The following DGAT2L6 variants were observed in gnomAD, a reference collection of about 807,000 sequenced individuals.
The protein encoded by DGAT2L6 is diacylglycerol O-acyltransferase 2 like 6.
A neutral mutation model predicts 25.5 loss-of-function variants in DGAT2L6; 22 were observed. That is an observed-to-expected ratio of 0.86 (90% CI 0.62 to 1.23). The LOEUF (loss-of-function observed/expected upper bound fraction) is 1.23, where lower values mean the gene tolerates loss of function less well. Among genes scored for constraint, DGAT2L6 ranks in the 50% most tolerant of loss-of-function variants. The pLI, the probability that DGAT2L6 is intolerant of heterozygous loss-of-function variation, is 0.00. For synonymous variants in DGAT2L6, 100 were observed against 94.7 expected, an observed-to-expected ratio of 1.06 and a Z score of -0.32; for missense variants, 287 against 253.2, an observed-to-expected ratio of 1.13 and a Z score of -0.91.
chrX:70,193,927 G>T lies in DGAT2L6; in HGVS notation c.86-5344G>T, dbSNP rs755483723. ...ATTACACAAGAAAAAGAAATAAAAG[G>T]CATCTAAATTGGAAAGAAAAAAGTT... On this transcript the variant is annotated intron_variant, in intron 1 of 6. Coordinates refer to ENST00000333026, the MANE Select transcript of DGAT2L6 (RefSeq NM_198512.3). 2.7e-5 allele frequency among the ~76,000 whole-genome samples: 3 copies of T among 111,758 alleles called. No individual in the cohort carries two copies. The South Asian group carries it at 1.1e-3, about 42-fold the overall frequency.
chrX:70,185,430 T>C (rs1250398966), intron 1 of DGAT2L6, among the ~76,000 whole-genome samples: 1 of 112,370 alleles, frequency 8.9e-6, no homozygotes, highest in African/African-American at 3.2e-5. Flanking sequence ...ATGAATGCTA[T>C]CTACTTTTTT....
intron 1 of DGAT2L6, among the ~76,000 whole-genome samples, chrX:70,193,549 C>A (rs960216258): frequency 5.4e-5 from 6 of 111,676 alleles, no homozygotes; most frequent in Non-Finnish European, 1.1e-4. Context: ...GGAGCGTACA[C>A]CACGATCAAG....
chrX:70,204,850 G>A (rs896015179), intron 6 of DGAT2L6, 102 bp from the exon 7 acceptor site: 2 of 954,111 alleles, frequency 2.1e-6, no homozygotes, highest in African/African-American at 4.0e-5. Flanking sequence ...AAGAAGGGGA[G>A]GAAAGCCAGA....
intron 1 of DGAT2L6, among the ~76,000 whole-genome samples, chrX:70,191,757 A>G (rs1182447931): frequency 1.8e-5 from 2 of 112,257 alleles, no homozygotes; most frequent in Non-Finnish European, 3.8e-5. Context: ...GTCAAAGACA[A>G]CAGAGAATAT....
chrX:70,177,788 G>T (rs1011723980), intron 1 of DGAT2L6, 121 bp downstream of exon 1: 9 of 607,357 alleles, frequency 1.5e-5, no homozygotes, highest in Non-Finnish European at 2.3e-5. Context: ...GGAAGGATCT[G>T]GCTGGCACAA....
intron 1 of DGAT2L6, among the ~76,000 whole-genome samples, chrX:70,193,166 A>C (rs1266372385): frequency 1.8e-5 from 2 of 110,343 alleles, no homozygotes; most frequent in African/African-American, 6.6e-5. Flanking sequence ...GAAAATACAA[A>C]AATTAGCCAG....
chrX:70,181,375 T>A (rs1998704), intron 1 of DGAT2L6, among the ~76,000 whole-genome samples: 7,255 of 112,239 alleles, frequency 0.065, 370 homozygotes, highest in African/African-American at 0.17. Flanking sequence ...AGCTTTACCA[T>A]TCCATTTGTC....
chrX:70,183,577 T>C (rs936165070), intron 1 of DGAT2L6, among the ~76,000 whole-genome samples: 15 of 112,249 alleles, frequency 1.3e-4, no homozygotes, highest in Non-Finnish European at 3.8e-5. Context: ...ATCATTATTA[T>C]ATTTCATGCA....
At position 70,205,223 on chromosome X, in the gene DGAT2L6, C is replaced by A; in HGVS notation, c.*117C>A. ...TCGTAAGGATGAGAGAGGAGACCAT[C>A]CAAGCCAGAAATTATTTAATAAATC... is the stretch of plus-strand genomic sequence containing the variant. On this transcript the variant is annotated 3_prime_UTR_variant, in exon 7 of 7. Transcript: ENST00000333026. The A allele has an allele frequency of 1.2e-6, 1 of 838,640 alleles. No individual in the cohort carries two copies. Among genetic ancestry groups the A allele is most frequent in the Non-Finnish European group, 1.6e-6 (1 of 635,540 alleles). The allele number at this position is 838,640 out of a possible 1,213,427, so 69.1% of individuals were successfully genotyped here.
chrX:70,177,756 T>C, intron 1 of DGAT2L6, 89 bp downstream of exon 1: 8 of 771,475 alleles, frequency 1.0e-5, no homozygotes, highest in Non-Finnish European at 1.2e-5. Context: ...AAAGAGATCA[T>C]CTGGGTGATC....
intron 1 of DGAT2L6, among the ~76,000 whole-genome samples, chrX:70,192,424 T>C (rs1602691040): frequency 8.9e-6 from 1 of 112,469 alleles, no homozygotes; most frequent in South Asian, 3.7e-4. Flanking sequence ...AAGGTAAATA[T>C]ATCATCAAAT....
chrX:70,191,479 A>G (rs1226143939), intron 1 of DGAT2L6, among the ~76,000 whole-genome samples: 1 of 112,019 alleles, frequency 8.9e-6, no homozygotes, highest in Non-Finnish European at 1.9e-5. Context: ...AAACAAAAAA[A>G]GAAAAAAAAT....
intron 1 of DGAT2L6, among the ~76,000 whole-genome samples, chrX:70,184,165 T>C (rs1328347833): frequency 8.9e-6 from 1 of 111,921 alleles, no homozygotes; most frequent in Non-Finnish European, 1.9e-5. Flanking sequence ...TCATTCACCC[T>C]GTACCATAAC....
intron 1 of DGAT2L6, among the ~76,000 whole-genome samples, chrX:70,196,516 A>AAAAAAAAAAAAAAAAG (rs2085392390): frequency 2.0e-5 from 2 of 101,009 alleles, no homozygotes; most frequent in Non-Finnish European, 2.1e-5. Flanking sequence ...AGAAAAAAGA[A>AAAAAAAAAAAAAAAAG]AAAAAAAGAA....
chrX:70,190,037 CTT>C (rs2085370941), intron 1 of DGAT2L6, among the ~76,000 whole-genome samples: 2 of 111,798 alleles, frequency 1.8e-5, no homozygotes, highest in Admixed American at 1.9e-4. Context: ...GATTTTGAGA[CTT>C]AGTATAAGAC....
At chrX:70,196,717 C>T (rs2085393251) in intron 1 of DGAT2L6, among the ~76,000 whole-genome samples, 1 of 110,336 alleles carries the variant, frequency 9.1e-6, no homozygotes, top group African/African-American at 3.3e-5. Flanking sequence ...AAAAGATAGA[C>T]ACAGATTAGG....
chrX:70,192,688 A>G lies in DGAT2L6; in HGVS notation c.86-6583A>G, dbSNP rs775518865. Among the ~76,000 whole-genome samples, 46 of 111,810 alleles carry G rather than the reference A, an allele frequency of 4.1e-4. No homozygotes were observed. The South Asian group carries it at 5.2e-3, about 13-fold the overall frequency. ...AGTTTATCATGATAAATACCTACAT[A>G]AAGAAAAAAGGAATGTCACAAATCA... On this transcript the variant is annotated intron_variant, in intron 1 of 6. Coordinates refer to ENST00000333026, the MANE Select transcript of DGAT2L6 (RefSeq NM_198512.3).
chrX:70,184,755 C>A (rs1366410530), intron 1 of DGAT2L6, among the ~76,000 whole-genome samples: 1 of 111,004 alleles, frequency 9.0e-6, no homozygotes, highest in Non-Finnish European at 1.9e-5. Context: ...AGTGAGCCAC[C>A]ATGCCTGGCC....
intron 1 of DGAT2L6, among the ~76,000 whole-genome samples, chrX:70,186,755 C>T (rs991478155): frequency 8.9e-6 from 1 of 112,100 alleles, no homozygotes; most frequent in East Asian, 2.8e-4. Context: ...AACTTTTTAT[C>T]CATACACCAC....
Sources: gnomAD v4.1 joint callset for allele counts (sites outside exome capture counted in the v4.1 genomes callset) on GRCh38, gnomAD v4.1.1 for gene constraint, MANE v1.5 for transcripts, NCBI Gene and HGNC (gene_info 2026-07-23, HGNC 2026-07-21) for gene names.